UNC13C: variants seen among roughly 807,000 people sequenced by gnomAD.
UNC13C encodes the protein unc-13 homolog C.
In UNC13C, 174 loss-of-function variants were observed where a neutral mutation model predicts 245.4. That is an observed-to-expected ratio of 0.71 (90% CI 0.63 to 0.80). The LOEUF is 0.80. Among genes scored for constraint, UNC13C ranks in the 30% least tolerant of loss-of-function variants. The pLI, the probability that UNC13C is intolerant of heterozygous loss-of-function variation, is 0.00. For missense variants in UNC13C, 2,829 were observed against 2,602.9 expected (o/e 1.09, Z -1.89); for synonymous variants, 992 against 895.1 (o/e 1.11, Z -1.93).
At chr15:54,291,114 T>A (rs185812270) in intron 10 of UNC13C, among the ~76,000 whole-genome samples, 54 of 152,190 alleles carry the variant, frequency 3.5e-4, no homozygotes, top group African/African-American at 1.2e-3. Flanking sequence ...CTTAGAATGT[T>A]AGCCACTTTT....
chr15:54,526,453 C>T (rs62022411), intron 25 of UNC13C, among the ~76,000 whole-genome samples: 8,095 of 152,056 alleles, frequency 0.053, 361 homozygotes, highest in Admixed American at 0.13. Context: ...TCTTCAGGGC[C>T]GGGTACGGTG....
Position 54,015,278 on chromosome 15 carries a change from T to G in UNC13C, c.2375T>G (p.Phe792Cys). ...AGCATTGACCTTTCTGATAAGACTT[T>G]CAGCTTCCCAAAATTTGGATCTACA... is the stretch of plus-strand genomic sequence containing the variant. Reference protein sequence around the residue: ...RLSIDLSDKTFSFPKFGSTLQ... With the variant: ...RLSIDLSDKTCSFPKFGSTLQ... Residue 792 changes from phenylalanine to cysteine, a missense_variant, in exon 2 of 33, where the codon TTC (phenylalanine) becomes TGC (cysteine). Phe to Cys is a radical substitution (Grantham distance 205). Transcript: ENST00000260323. 1 of 1,521,328 alleles carries G rather than the reference T, an allele frequency of 6.6e-7. No homozygotes were observed. The highest frequency in any genetic ancestry group is 8.9e-7 in the Non-Finnish European group (1 of 1,128,036). 94.2% of individuals were successfully genotyped at this position (1,521,328 alleles called of 1,614,324 possible).
intron 30 of UNC13C, among the ~76,000 whole-genome samples, chr15:54,578,417 A>G (rs1898054292): frequency 6.6e-6 from 1 of 152,184 alleles, no homozygotes. Flanking sequence ...TGAGAGCCAG[A>G]TCTTATTCCA....
chr15:54,307,531 C>G (rs146933630), intron 13 of UNC13C, among the ~76,000 whole-genome samples: 208 of 152,036 alleles, frequency 1.4e-3, no homozygotes, highest in African/African-American at 4.8e-3. Flanking sequence ...AAAGATAGCT[C>G]TTGTCTCTAG....
chr15:54,105,241 C>T (rs1161423594), intron 2 of UNC13C, among the ~76,000 whole-genome samples: 3 of 152,058 alleles, frequency 2.0e-5, no homozygotes, highest in Non-Finnish European at 2.9e-5. Context: ...GTATTCTTCC[C>T]GAGGCAGTAA....
chr15:54,464,680 G>C (rs914779075), intron 19 of UNC13C, among the ~76,000 whole-genome samples: 1 of 152,010 alleles, frequency 6.6e-6, no homozygotes, highest in Non-Finnish European at 1.5e-5. Context: ...TTAGATTCCC[G>C]ATAGCAGTCA....
chr15:54,204,134 G>C (rs1386990291), intron 4 of UNC13C, among the ~76,000 whole-genome samples: 1 of 151,464 alleles, frequency 6.6e-6, no homozygotes, highest in Non-Finnish European at 1.5e-5. Flanking sequence ...CTGAACTTTG[G>C]GGACTCGGGA....
In UNC13C at chr15:54,478,836, G is replaced by T. The variant is rs1195048235; in HGVS notation, c.4934-15772G>T. Reference sequence around the variant, plus strand: ...TAGATGTCTATTAGGTCCGCTTGGTGCAGAGCTGAGTTCAATTCCTGAGTA... The same window carrying T: ...TAGATGTCTATTAGGTCCGCTTGGTTCAGAGCTGAGTTCAATTCCTGAGTA... On this transcript the variant is annotated intron_variant, in intron 19 of 32. Coordinates refer to ENST00000260323, the MANE Select transcript of UNC13C (RefSeq NM_001080534.3). 2.6e-5 allele frequency among the ~76,000 whole-genome samples: 4 copies of T among 152,224 alleles called. No homozygotes were observed. The East Asian group carries it at 7.7e-4, about 29-fold the overall frequency.
At chr15:53,884,646 TCTTTA>T in the UNC13C span, among the ~76,000 whole-genome samples, 1 of 152,126 alleles carries the variant, frequency 6.6e-6, no homozygotes, top group African/African-American at 2.4e-5. Flanking sequence ...ACTACTTCAC[TCTTTA>T]CTTGCTTCCA....
intron 2 of UNC13C, among the ~76,000 whole-genome samples, chr15:54,070,288 C>G (rs1000548315): frequency 2.0e-5 from 3 of 152,096 alleles, no homozygotes; most frequent in African/African-American, 7.2e-5. Flanking sequence ...ACTTCATCAC[C>G]CTCAAGGACC....
At chr15:54,055,232 C>A (rs1428700703) in intron 2 of UNC13C, among the ~76,000 whole-genome samples, 1 of 152,106 alleles carries the variant, frequency 6.6e-6, no homozygotes, top group Non-Finnish European at 1.5e-5. Flanking sequence ...ATGGAAAAAT[C>A]ATGCTTATGC....
chr15:54,102,715 G>A (rs1431367488), intron 2 of UNC13C, among the ~76,000 whole-genome samples: 1 of 152,212 alleles, frequency 6.6e-6, no homozygotes, highest in Non-Finnish European at 1.5e-5. Context: ...TAGTGTTGAT[G>A]AAATGCTGTC....
chr15:54,396,640 T>A lies in UNC13C; in HGVS notation c.4847+3459T>A, dbSNP rs1842482048. Among the ~76,000 whole-genome samples the A allele has an allele frequency of 4.0e-5, 6 of 151,550 alleles. No individual in the cohort carries two copies. In the South Asian group the frequency reaches 1.2e-3, roughly 31 times the overall value. On this transcript the variant is annotated intron_variant, in intron 18 of 32. Transcript: ENST00000260323. ...TTACGTGGTAAGTATGTACTTAATA[T>A]TAAAACTGCCAAACTGCTTTCCAAA...
At chr15:54,196,096 T>C (rs1427423814) in intron 4 of UNC13C, among the ~76,000 whole-genome samples, 2 of 152,146 alleles carry the variant, frequency 1.3e-5, no homozygotes, top group Admixed American at 6.6e-5. Flanking sequence ...AAAGCTCTTT[T>C]ATGAATAGGA....
Position 54,628,080 on chromosome 15 carries a change from A to T in UNC13C, c.*967A>T, listed in dbSNP as rs1046633049. On this transcript the variant is annotated 3_prime_UTR_variant, in exon 33 of 33. Transcript: ENST00000260323. ...CATGTTTTCATCCACTTAGTGAAAAAATAGTAAAATTAAGTCGGAAGAAAT... is the reference window on the plus strand; with the variant it reads ...CATGTTTTCATCCACTTAGTGAAAATATAGTAAAATTAAGTCGGAAGAAAT... 5 of 152,156 alleles carry T rather than the reference A, an allele frequency of 3.3e-5. No homozygotes were observed. Among genetic ancestry groups the T allele is most frequent in the African/African-American group, 1.2e-4 (5 of 41,466 alleles). The allele number at this position is 152,156 out of a possible 1,614,324, so 9.4% of individuals were successfully genotyped here.
chr15:54,313,756 C>G (rs771850232), intron 13 of UNC13C, among the ~76,000 whole-genome samples: 1 of 151,224 alleles, frequency 6.6e-6, no homozygotes, highest in Non-Finnish European at 1.5e-5. Flanking sequence ...GATACGTATA[C>G]AAGTAATACA....
intron 2 of UNC13C, among the ~76,000 whole-genome samples, chr15:54,054,352 T>C (rs984646978): frequency 2.6e-5 from 4 of 152,216 alleles, no homozygotes; most frequent in African/African-American, 9.6e-5. Context: ...GTAAGCTCAT[T>C]GGAGGTATTG....
chr15:54,028,065 C>T (rs1040343604), intron 2 of UNC13C, among the ~76,000 whole-genome samples: 5 of 152,070 alleles, frequency 3.3e-5, no homozygotes, highest in African/African-American at 9.7e-5. Context: ...ACTAATAAAT[C>T]CAGGTTAATA....
At chr15:54,538,015 A>T (rs1896061036) in intron 26 of UNC13C, among the ~76,000 whole-genome samples, 1 of 151,700 alleles carries the variant, frequency 6.6e-6, no homozygotes, top group Non-Finnish European at 1.5e-5. Context: ...ACAGAGCAAA[A>T]GAAACTATTG....
Sources: gnomAD v4.1 joint callset for allele counts (sites outside exome capture counted in the v4.1 genomes callset) on GRCh38, gnomAD v4.1.1 for gene constraint, MANE v1.5 for transcripts, NCBI Gene and HGNC (gene_info 2026-07-23, HGNC 2026-07-21) for gene names.